Variants in UMOD observed in about 807,000 individuals in gnomAD.
The protein encoded by UMOD is Tamm-Horsfall urinary glycoprotein.
UMOD carries 64 observed loss-of-function variants against 66.0 expected under a neutral mutation model. The observed-to-expected ratio is 0.97, with a 90% CI of 0.79 to 1.19. UMOD has a LOEUF of 1.19. Ranked by LOEUF, UMOD falls within the 50% of genes most tolerant of loss-of-function variation. The probability of loss-of-function intolerance (pLI) is 0.00; values close to 1 mark genes in which losing one functional copy is unlikely to be tolerated. For missense variants in UMOD, 764 were observed against 850.9 expected, an observed-to-expected ratio of 0.90 and a Z score of 1.27; for synonymous variants, 398 against 352.7, an observed-to-expected ratio of 1.13 and a Z score of -1.44.
intron 4 of UMOD, among the ~76,000 whole-genome samples, chr16:20,347,839 A>G (rs1488787617): frequency 1.3e-5 from 2 of 152,144 alleles, no homozygotes; most frequent in African/African-American, 4.8e-5. Context: ...TGGACTGGTC[A>G]TCAGGCCTGA....
In UMOD at chr16:20,352,711, A is replaced by C. The variant is rs558668826; in HGVS notation, c.-125T>G. 6 of 1,231,694 alleles carry C rather than the reference A, an allele frequency of 4.9e-6. No homozygotes were observed. In the South Asian group the frequency reaches 1.6e-4, roughly 34 times the overall value. The allele number at this position is 1,231,694 out of a possible 1,614,324, so 76.3% of individuals were successfully genotyped here. Reference sequence around the variant, plus strand: ...TACCTGAAGCCAGAAAGGTAGAGTTAGTCTGGTCATGATGTGCCTCATACT... The same window carrying C: ...TACCTGAAGCCAGAAAGGTAGAGTTCGTCTGGTCATGATGTGCCTCATACT... On this transcript the variant is annotated 5_prime_UTR_variant, in exon 1 of 11. Coordinates refer to ENST00000396138, the MANE Select transcript of UMOD (RefSeq NM_003361.4).
intron 6 of UMOD, among the ~76,000 whole-genome samples, chr16:20,343,121 C>G (rs1042205342): frequency 3.4e-5 from 4 of 116,396 alleles, no homozygotes; most frequent in Non-Finnish European, 6.1e-5. Context: ...CAGTACGAGA[C>G]TCCGTCTCAA....
In UMOD at chr16:20,344,161, G is replaced by T; in HGVS notation, c.1194C>A (p.Thr398=). 4 of 1,611,624 alleles carry T rather than the reference G, an allele frequency of 2.5e-6. No individual in the cohort carries two copies. The highest frequency in any genetic ancestry group is 3.4e-6 in the Non-Finnish European group (4 of 1,178,392). Residue 398 remains threonine (T), a synonymous_variant, in exon 6 of 11, where the codon ACC becomes ACA. Coordinates refer to ENST00000396138, the MANE Select transcript of UMOD (RefSeq NM_003361.4). Reference sequence around the variant, plus strand: ...AGAGGGTGTTGCTGTAAGTGGCATGGGTTTCATTCCTCTGTTGCAGGGAAT... The same window carrying T: ...AGAGGGTGTTGCTGTAAGTGGCATGTGTTTCATTCCTCTGTTGCAGGGAAT... ...PCGTVLTRNE[T]HATYSNTLYL... is the part of the protein sequence containing the mutation.
At chr16:20,347,673 G>C (rs1199263941) in intron 4 of UMOD, among the ~76,000 whole-genome samples, 3 of 152,192 alleles carry the variant, frequency 2.0e-5, no homozygotes, top group African/African-American at 7.2e-5. Context: ...GGTAACACTT[G>C]GATAAAGCAA....
At chr16:20,343,608 C>T (rs1354462749) in intron 6 of UMOD, among the ~76,000 whole-genome samples, 1 of 152,214 alleles carries the variant, frequency 6.6e-6, no homozygotes, top group East Asian at 1.9e-4. Flanking sequence ...ACAATCATAG[C>T]TCTAAGCAGC....
intron 1 of UMOD, 84 bp downstream of exon 1, chr16:20,352,605 C>A (rs1456957210): frequency 9.1e-7 from 1 of 1,095,272 alleles, no homozygotes; most frequent in African/African-American, 1.6e-5. Flanking sequence ...CCCCAGTGTC[C>A]AAGGTCTTAA....
Position 20,343,129 on chromosome 16 carries a change from C to CAATAAATAAATAAATA in UMOD, c.1331+879_1331+894dup, listed in dbSNP as rs147846395. 1.1e-3 allele frequency among the ~76,000 whole-genome samples: 129 copies of CAATAAATAAATAAATA among 115,912 alleles called. 2 individuals carry two copies. The highest frequency in any genetic ancestry group is 0.011 in the Middle Eastern group (2 of 190). The allele number at this position is 115,912 out of a possible 152,430, so 76.0% of individuals were successfully genotyped here. A position where few individuals can be genotyped will look rare whatever the true frequency, so the allele number is the denominator to read the frequency against. On this transcript the variant is annotated intron_variant, in intron 6 of 10. Coordinates refer to ENST00000396138, the MANE Select transcript of UMOD (RefSeq NM_003361.4). ...TGGGCGACAGTACGAGACTCCGTCTCAATAAATAAATAAATAAATAAATAA... is the reference window on the plus strand; with the variant it reads ...TGGGCGACAGTACGAGACTCCGTCTCAATAAATAAATAAATAAATAAATAAATAAATAAATAAATAA...
At chr16:20,334,331 G>C (rs1211768859) in intron 10 of UMOD, among the ~76,000 whole-genome samples, 4 of 152,170 alleles carry the variant, frequency 2.6e-5, no homozygotes, top group African/African-American at 9.7e-5. Context: ...AGAAAAAGGT[G>C]TTAGAGAGGA....
chr16:20,347,533 C>T (rs1017374034), intron 4 of UMOD, among the ~76,000 whole-genome samples: 1 of 152,070 alleles, frequency 6.6e-6, no homozygotes, highest in South Asian at 2.1e-4. Flanking sequence ...TTTATTTTTA[C>T]AGTTAACTTT....
chr16:20,335,316 A>G (rs1045124528), intron 10 of UMOD, among the ~76,000 whole-genome samples, 166 bp downstream of exon 10: 17 of 152,260 alleles, frequency 1.1e-4, no homozygotes, highest in Non-Finnish European at 1.5e-4. Flanking sequence ...GAGATGCATG[A>G]TCTCAGTAGG....
chr16:20,337,087 T>C (rs1964916001), intron 8 of UMOD, among the ~76,000 whole-genome samples: 1 of 152,190 alleles, frequency 6.6e-6, no homozygotes, highest in African/African-American at 2.4e-5. Flanking sequence ...AAGCCAGAGC[T>C]CTTACCAGCC....
chr16:20,339,562 C>T (rs1316077188), intron 7 of UMOD, among the ~76,000 whole-genome samples: 1 of 152,192 alleles, frequency 6.6e-6, no homozygotes, highest in Admixed American at 6.5e-5. Flanking sequence ...AAGGGAGATT[C>T]CAAAGACGTG....
intron 6 of UMOD, among the ~76,000 whole-genome samples, chr16:20,343,817 C>G (rs2141656175): frequency 6.6e-6 from 1 of 152,222 alleles, no homozygotes; most frequent in Non-Finnish European, 1.5e-5. Flanking sequence ...TTGACTCTGT[C>G]CCCCACTGGC....
At chr16:20,351,713 T>G (rs1726205744) in intron 1 of UMOD, among the ~76,000 whole-genome samples, 2 of 151,812 alleles carry the variant, frequency 1.3e-5, no homozygotes, top group Non-Finnish European at 1.5e-5. Flanking sequence ...GTGACCATGA[T>G]GTACTAAAAG....
chr16:20,335,328 C>A (rs1439100118), intron 10 of UMOD, among the ~76,000 whole-genome samples, 154 bp downstream of exon 10: 1 of 152,136 alleles, frequency 6.6e-6, no homozygotes, highest in Non-Finnish European at 1.5e-5. Flanking sequence ...CTCAGTAGGA[C>A]CACTCAGGTT....
At position 20,333,096 on chromosome 16, in the gene UMOD, G is replaced by C. The variant is rs150543656; in HGVS notation, c.*218C>G. The C allele has an allele frequency of 3.0e-4, 172 of 580,806 alleles. 1 individual carries two copies. The Middle Eastern group carries it at 3.9e-3, about 13-fold the overall frequency. 36.0% of individuals were successfully genotyped at this position (580,806 alleles called of 1,614,324 possible). On this transcript the variant is annotated 3_prime_UTR_variant, in exon 11 of 11. Transcript: ENST00000396138. ...TTTGCCACACTCTTTAAGGAGATGG[G>C]GGCCTCAGGTACACCGTCACAAGTC...
chr16:20,353,004 T>C (rs1408049273), upstream of UMOD: 2 of 323,012 alleles, frequency 6.2e-6, no homozygotes, highest in Admixed American at 9.9e-5. Flanking sequence ...AGAAATTAAC[T>C]GGGAAAGCAG....
In UMOD at chr16:20,352,548, T is replaced by C. The variant is rs980320321; in HGVS notation, c.-103+141A>G. The C allele has an allele frequency of 7.9e-6, 4 of 506,806 alleles. No homozygotes were observed. The African/African-American group carries it at 7.9e-5, about 10-fold the overall frequency. The allele number at this position is 506,806 out of a possible 1,614,324, so 31.4% of individuals were successfully genotyped here. On this transcript the variant is annotated intron_variant, in intron 1 of 10. Transcript: ENST00000396138. ...GAGAGGAAAACTAACTTACTAAAGA[T>C]CATGAAGCCAATAATTGGCAGAATA...
intron 2 of UMOD, among the ~76,000 whole-genome samples, chr16:20,350,050 A>C (rs1965815553): frequency 6.6e-6 from 1 of 152,146 alleles, no homozygotes; most frequent in South Asian, 2.1e-4. Flanking sequence ...TGAGGTTCAG[A>C]GGGATTAAGC....
Sources: allele counts gnomAD v4.1 joint callset (sites outside exome capture counted in the v4.1 genomes callset), GRCh38; gene constraint gnomAD v4.1.1; transcripts MANE v1.5; gene names NCBI Gene and HGNC (gene_info 2026-07-23, HGNC 2026-07-21).